The following CACNA1H variants were observed in gnomAD, a reference collection of about 807,000 sequenced individuals.
CACNA1H encodes calcium voltage-gated channel subunit alpha1 H.
CACNA1H carries 149 observed loss-of-function variants against 192.5 expected under a neutral mutation model. That is an observed-to-expected ratio of 0.77 (90% CI 0.68 to 0.89). The LOEUF is 0.89. Ranked by LOEUF, CACNA1H falls within the 40% of genes least tolerant of loss-of-function variation. The pLI, the probability that CACNA1H is intolerant of heterozygous loss-of-function variation, is 0.00. For synonymous variants in CACNA1H, 2,202 were observed against 1,475.2 expected, an observed-to-expected ratio of 1.49 and a Z score of -11.29; for missense variants, 4,257 against 3,423.5, an observed-to-expected ratio of 1.24 and a Z score of -6.08.
chr16:1,202,307 A>G lies in CACNA1H; in HGVS notation c.1857A>G (p.Ser619=), dbSNP rs775390127. 5 of 1,584,314 alleles carry G rather than the reference A, an allele frequency of 3.2e-6. No individual in the cohort carries two copies. Among genetic ancestry groups the G allele is most frequent in the East Asian group, 2.3e-5 (1 of 43,032 alleles). The change falls in exon 9 of 35, where the codon TCA becomes TCG. Residue 619 remains serine (S), a synonymous_variant. Coordinates refer to ENST00000348261, the MANE Select transcript of CACNA1H (RefSeq NM_021098.3). ...TGAACTACCCCACGATCCTGCCCTC[A>G]GGGGTGGGCAGCGGCAAAGGCAGCA... ...GTMNYPTILP[S]GVGSGKGSTS...
intron 2 of CACNA1H, among the ~76,000 whole-genome samples, chr16:1,172,070 T>G (rs115440356): frequency 0.011 from 1,670 of 152,230 alleles, 34 homozygotes; most frequent in African/African-American, 0.038. Context: ...CACTGAACTC[T>G]GAAGCCAGCC....
chr16:1,214,186 C>T (rs985027519), intron 27 of CACNA1H, among the ~76,000 whole-genome samples: 1 of 152,194 alleles, frequency 6.6e-6, no homozygotes, highest in East Asian at 1.9e-4. Context: ...GTGTCCCACC[C>T]AAGGAGGGGC....
In CACNA1H at chr16:1,215,272, G is replaced by T. The variant is rs765223923; in HGVS notation, c.5070G>T (p.Leu1690=). 1 of 1,607,222 alleles carries T rather than the reference G, an allele frequency of 6.2e-7. No individual in the cohort carries two copies. Among genetic ancestry groups the T allele is most frequent in the Non-Finnish European group, 8.5e-7 (1 of 1,177,292 alleles). ...RWNQLDLAIV[L]LSLMGITLEE... ...ACCAGCTGGACCTGGCCATCGTGCT[G>T]CTGTCACTCATGGGCATCACGCTGG... Residue 1690 remains leucine, a synonymous_variant, in exon 29 of 35, where the codon CTG becomes CTT. Transcript: ENST00000348261.
chr16:1,166,952 T>C (rs907822521), intron 2 of CACNA1H, among the ~76,000 whole-genome samples: 2 of 152,200 alleles, frequency 1.3e-5, no homozygotes, highest in Admixed American at 1.3e-4. Flanking sequence ...GCAAAATTGC[T>C]GGGTCAGGCG....
At chr16:1,215,456 C>A in intron 29 of CACNA1H, 67 bp from the exon 30 acceptor site, 1 of 1,578,892 alleles carries the variant, frequency 6.3e-7, no homozygotes, top group Non-Finnish European at 8.6e-7. Context: ...AGGGGCGGGG[C>A]GGCCAGGGTC....
chr16:1,217,533 C>T (rs563426191), intron 31 of CACNA1H, among the ~76,000 whole-genome samples: 1 of 152,190 alleles, frequency 6.6e-6, no homozygotes, highest in African/African-American at 2.4e-5. Context: ...GCAGGGCCCT[C>T]CCCCGGGCCC....
Position 1,220,703 on chromosome 16 carries a change from G to T in CACNA1H, c.6771G>T (p.Arg2257=), listed in dbSNP as rs763302946. ...KGERWGQASC[R]AEHLTVPSFA... ...AGCGCTGGGGCCAGGCCTCCTGCCGGGCTGAGCACCTGACCGTCCCCAGCT... is the reference window on the plus strand; with the variant it reads ...AGCGCTGGGGCCAGGCCTCCTGCCGTGCTGAGCACCTGACCGTCCCCAGCT... The change falls in exon 35 of 35, where the codon CGG becomes CGT. Residue 2257 remains arginine, a synonymous_variant. Coordinates refer to ENST00000348261, the MANE Select transcript of CACNA1H (RefSeq NM_021098.3). 15 of 1,611,596 alleles carry T rather than the reference G, an allele frequency of 9.3e-6. No homozygotes were observed. The highest frequency in any genetic ancestry group is 1.3e-5 in the Non-Finnish European group (15 of 1,179,516).
chr16:1,170,803 C>T (rs1049823100), intron 2 of CACNA1H, among the ~76,000 whole-genome samples: 1 of 152,176 alleles, frequency 6.6e-6, no homozygotes, highest in African/African-American at 2.4e-5. Context: ...CCACTGCACC[C>T]CTTCTTTCCT....
At chr16:1,175,141 G>A (rs571625592) in intron 2 of CACNA1H, among the ~76,000 whole-genome samples, 4 of 152,012 alleles carry the variant, frequency 2.6e-5, no homozygotes, top group Admixed American at 1.3e-4. Context: ...ACTGCCCCAC[G>A]TAATGCCCTA....
chr16:1,170,901 T>C (rs1567450375), intron 2 of CACNA1H, among the ~76,000 whole-genome samples: 1 of 152,176 alleles, frequency 6.6e-6, no homozygotes, highest in Admixed American at 6.5e-5. Flanking sequence ...CATTGTCTGC[T>C]TGGCTCAGTG....
chr16:1,216,446 A>G (rs1970033596), intron 30 of CACNA1H, among the ~76,000 whole-genome samples: 1 of 152,124 alleles, frequency 6.6e-6, no homozygotes, highest in Admixed American at 6.5e-5. Flanking sequence ...TGGGTGGCTC[A>G]CAAGAGAGCC....
intron 2 of CACNA1H, among the ~76,000 whole-genome samples, chr16:1,169,358 C>T (rs1035259114): frequency 4.6e-5 from 7 of 152,226 alleles, no homozygotes; most frequent in Non-Finnish European, 7.4e-5. Flanking sequence ...CCCGACCTGC[C>T]CTCCCACCCT....
intron 2 of CACNA1H, among the ~76,000 whole-genome samples, chr16:1,191,371 C>T (rs1250581948): frequency 1.5e-4 from 15 of 101,900 alleles, no homozygotes; most frequent in African/African-American, 3.0e-4. Flanking sequence ...GCTGGCCTGG[C>T]TGTGTGGCCT....
chr16:1,200,138 GCCCTGACCCTGATCACGT>G (rs1346832901), intron 6 of CACNA1H, 100 bp from the exon 7 acceptor site: 24 of 808,002 alleles, frequency 3.0e-5, no homozygotes, highest in Middle Eastern at 2.3e-4. Flanking sequence ...TAGTCCACTG[GCCCTGACCCTGATCACGT>G]CCCTGACCTT....
chr16:1,200,107 C>G, intron 6 of CACNA1H, 149 bp from the exon 7 acceptor site: 1 of 655,550 alleles, frequency 1.5e-6, no homozygotes, highest in South Asian at 2.0e-5. Flanking sequence ...CTGACCCTAA[C>G]CGTGCCTCCC....
At chr16:1,193,144 T>G (rs1966763684) in intron 2 of CACNA1H, among the ~76,000 whole-genome samples, 1 of 152,150 alleles carries the variant, frequency 6.6e-6, no homozygotes, top group Admixed American at 6.5e-5. Context: ...CGGGTGTCTT[T>G]GAGCTCCTCC....
chr16:1,195,457 T>G lies in CACNA1H; in HGVS notation c.437T>G (p.Phe146Cys). ...GCCTTTGACGCCTTCATTTTCGCCT[T>G]TTTTGCGGTGGAGATGGTCATCAAG... ...LEAFDAFIFA[F>C]FAVEMVIKMV... The change falls in exon 4 of 35, where the codon TTT (phenylalanine) becomes TGT (cysteine). Residue 146 changes from phenylalanine (F) to cysteine (C), a missense_variant. Physicochemically the swap from Phe to Cys is radical, Grantham distance 205. Coordinates refer to ENST00000348261, the MANE Select transcript of CACNA1H (RefSeq NM_021098.3). 2 of 1,564,722 alleles carry G rather than the reference T, an allele frequency of 1.3e-6. No individual in the cohort carries two copies. Among genetic ancestry groups the G allele is most frequent in the Non-Finnish European group, 8.7e-7 (1 of 1,154,300 alleles).
chr16:1,205,256 T>A lies in CACNA1H; in HGVS notation c.2594T>A (p.Val865Glu). 1 of 1,607,018 alleles carries A rather than the reference T, an allele frequency of 6.2e-7. No homozygotes were observed. The change falls in exon 11 of 35, where the codon GTG (valine) becomes GAG (glutamate). Residue 865 changes from valine to glutamate, a missense_variant. Coordinates refer to ENST00000348261, the MANE Select transcript of CACNA1H (RefSeq NM_021098.3). The stretch of plus-strand genomic sequence containing the variant: ...TACAACATCTTCGACGGCATCATCG[T>A]GGTCATCAGGTGGGTCCCCACCCTC... The part of the protein sequence containing the change: ...NPYNIFDGII[V>E]VISVWEIVGQ...
chr16:1,210,662 G>A lies in CACNA1H; in HGVS notation c.4038+11G>A. On this transcript the variant is annotated intron_variant, in intron 20 of 34. Coordinates refer to ENST00000348261, the MANE Select transcript of CACNA1H (RefSeq NM_021098.3). ...GAGATGATGGTGAAGGTACCGCGGG[G>A]CCCGGGGACTGCCCTTGTTCCCAGG... The A allele has an allele frequency of 1.9e-6, 3 of 1,600,666 alleles. No individual in the cohort carries two copies. Among genetic ancestry groups the A allele is most frequent in the Non-Finnish European group, 2.5e-6 (3 of 1,179,150 alleles).
Sources: gnomAD v4.1 joint callset for allele counts (sites outside exome capture counted in the v4.1 genomes callset) on GRCh38, gnomAD v4.1.1 for gene constraint, MANE v1.5 for transcripts, NCBI Gene and HGNC (gene_info 2026-07-23, HGNC 2026-07-21) for gene names.